STT3B: variants seen among roughly 807,000 people sequenced by gnomAD.
The protein encoded by STT3B is STT3 oligosaccharyltransferase complex catalytic subunit B.
STT3B carries 29 observed loss-of-function variants against 96.8 expected under a neutral mutation model. The observed-to-expected ratio is 0.30, with a 90% CI of 0.22 to 0.41. STT3B has a LOEUF of 0.41. Ranked by LOEUF, STT3B falls within the 10% of genes least tolerant of loss-of-function variation. The pLI is 1.00. For missense variants in STT3B, 640 were observed against 1,022.3 expected, an observed-to-expected ratio of 0.63 and a Z score of 5.10; for synonymous variants, 367 against 360.0, an observed-to-expected ratio of 1.02 and a Z score of -0.22.
At chr3:31,629,645 A>C (rs72856088) in intron 14 of STT3B, among the ~76,000 whole-genome samples, 1 of 152,206 alleles carries the variant, frequency 6.6e-6, no homozygotes, top group African/African-American at 2.4e-5. Flanking sequence ...AGTAGCCTCA[A>C]ATCCAATCTT....
At chr3:31,586,561 A>G (rs1698542274) in intron 3 of STT3B, among the ~76,000 whole-genome samples, 1 of 152,036 alleles carries the variant, frequency 6.6e-6, no homozygotes, top group Non-Finnish European at 1.5e-5. Flanking sequence ...TTTTAAGTTG[A>G]TTATGGTCTG....
chr3:31,571,892 AT>A (rs1698147454), intron 1 of STT3B, among the ~76,000 whole-genome samples: 1 of 148,150 alleles, frequency 6.7e-6, no homozygotes, highest in African/African-American at 2.5e-5. Context: ...TATGTTATAA[AT>A]TTAGGTTAGG....
chr3:31,582,341 AG>A (rs1698426205), intron 3 of STT3B, among the ~76,000 whole-genome samples: 2 of 141,238 alleles, frequency 1.4e-5, no homozygotes, highest in Admixed American at 1.5e-4. Flanking sequence ...TCTGTTGCCC[AG>A]GCTGGAGTGC....
At chr3:31,610,675 A>G (rs1292875806) in intron 5 of STT3B, among the ~76,000 whole-genome samples, 1 of 152,220 alleles carries the variant, frequency 6.6e-6, no homozygotes, top group Admixed American at 6.5e-5. Context: ...CCACCCTTGG[A>G]TATAAAATAT....
At chr3:31,628,882 A>G (rs1473245664) in intron 13 of STT3B, among the ~76,000 whole-genome samples, 3 of 152,152 alleles carry the variant, frequency 2.0e-5, no homozygotes, top group Admixed American at 6.5e-5. Context: ...TGGGAGGCCA[A>G]TCACTTCAGC....
chr3:31,609,019 G>A (rs1360535841), intron 5 of STT3B, among the ~76,000 whole-genome samples: 2 of 152,152 alleles, frequency 1.3e-5, no homozygotes, highest in African/African-American at 4.8e-5. Context: ...GGAGGCCGAG[G>A]CAGGAGAGTT....
intron 3 of STT3B, among the ~76,000 whole-genome samples, chr3:31,581,030 C>T (rs372664713): frequency 3.3e-5 from 5 of 151,332 alleles, no homozygotes; most frequent in East Asian, 3.9e-4. Flanking sequence ...ATAATACATG[C>T]GTATGTGGCT....
At chr3:31,629,979 A>AT (rs1263803381) in intron 14 of STT3B, among the ~76,000 whole-genome samples, 1 of 152,228 alleles carries the variant, frequency 6.6e-6, no homozygotes, top group Non-Finnish European at 1.5e-5. Flanking sequence ...ACTTGATGTC[A>AT]TAACACCTGT....
chr3:31,612,074 G>A (rs954742532), intron 5 of STT3B, among the ~76,000 whole-genome samples: 1 of 152,066 alleles, frequency 6.6e-6, no homozygotes, highest in African/African-American at 2.4e-5. Flanking sequence ...AACTTTCTGA[G>A]CACCAATATG....
chr3:31,562,614 C>A (rs544812618), intron 1 of STT3B, among the ~76,000 whole-genome samples: 1 of 152,216 alleles, frequency 6.6e-6, no homozygotes, highest in Admixed American at 6.5e-5. Context: ...GGTGGGGTTG[C>A]TTTCCTTCAG....
intron 5 of STT3B, among the ~76,000 whole-genome samples, chr3:31,613,739 A>C (rs1443194096): frequency 6.6e-6 from 1 of 151,906 alleles, no homozygotes; most frequent in African/African-American, 2.4e-5. Flanking sequence ...GATTTGTTTA[A>C]AAAAATAATT....
Position 31,623,841 on chromosome 3 carries a change from G to C in STT3B, c.1707G>C (p.Leu569=), listed in dbSNP as rs1699478075. ...CCTACTCTAGTCCAAGTGTAGTCCT[G>C]GCCTCATACAATCATGATGGGTAAG... ...SNAYSSPSVV[L]ASYNHDGTRN... Residue 569 remains leucine, a synonymous_variant, in exon 11 of 16, where the codon CTG becomes CTC. Coordinates refer to ENST00000295770, the MANE Select transcript of STT3B (RefSeq NM_178862.3). 6.2e-7 allele frequency: 1 copy of C among 1,607,356 alleles called. No homozygotes were observed. Among genetic ancestry groups the C allele is most frequent in the South Asian group, 1.1e-5 (1 of 89,956 alleles).
At position 31,625,971 on chromosome 3, in the gene STT3B, T is replaced by G; in HGVS notation, c.1917T>G (p.Ser639=). 1.9e-6 allele frequency: 3 copies of G among 1,608,650 alleles called. No individual in the cohort carries two copies. The highest frequency in any genetic ancestry group is 2.5e-6 in the Non-Finnish European group (3 of 1,178,180). ...SHIALVGKAM[S]SNETAAYKIM... ...TTCTGCAGGTGGGAAAAGCTATGTC[T>G]TCTAATGAAACAGCAGCCTATAAAA... The change falls in exon 13 of 16, where the codon TCT becomes TCG. Residue 639 remains serine, a synonymous_variant. Transcript: ENST00000295770.
intron 3 of STT3B, among the ~76,000 whole-genome samples, chr3:31,584,377 G>T (rs944630150): frequency 1.1e-4 from 16 of 152,008 alleles, no homozygotes; most frequent in Non-Finnish European, 2.9e-5. Context: ...CAACTTTGTT[G>T]TTCTTTTTCA....
intron 10 of STT3B, among the ~76,000 whole-genome samples, chr3:31,623,153 T>C (rs1245523703): frequency 1.3e-5 from 2 of 151,992 alleles, no homozygotes; most frequent in East Asian, 3.8e-4. Context: ...CTCTTCCCTT[T>C]TCTGTTGGGG....
Position 31,534,492 on chromosome 3 carries a change from C to A in STT3B, c.314+1180C>A, listed in dbSNP as rs554593942. Among the ~76,000 whole-genome samples the A allele has an allele frequency of 3.9e-5, 6 of 152,280 alleles. No homozygotes were observed. The East Asian group carries it at 9.6e-4, about 24-fold the overall frequency. On this transcript the variant is annotated intron_variant, in intron 1 of 15. Coordinates refer to ENST00000295770, the MANE Select transcript of STT3B (RefSeq NM_178862.3). The stretch of plus-strand genomic sequence containing the variant: ...TGTCAACCTTGAGTTAATCTTACTT[C>A]CTCACAGTTAGACCTAATTAAATTT...
Position 31,633,103 on chromosome 3 carries a change from C to T in STT3B, c.2356C>T (p.Arg786Ter). The T allele has an allele frequency of 6.2e-7, 1 of 1,613,942 alleles. No homozygotes were observed. Among genetic ancestry groups the T allele is most frequent in the Non-Finnish European group, 8.5e-7 (1 of 1,179,928 alleles). Reference sequence around the variant, plus strand: ...CAGGGAGACATTAGATCACAAACCTCGAGTCACCAACATTTTCCCAAAACA... The same window carrying T: ...CAGGGAGACATTAGATCACAAACCTTGAGTCACCAACATTTTCCCAAAACA... ...DNRETLDHKP[R>*]VTNIFPKQKY... Residue 786 changes from arginine to a stop codon, truncating the protein, a stop_gained, in exon 15 of 16, where the codon CGA (arginine) becomes TGA (stop). Transcript: ENST00000295770. LOFTEE classifies it high-confidence loss of function.
intron 15 of STT3B, among the ~76,000 whole-genome samples, chr3:31,634,330 G>A (rs1422345942): frequency 3.3e-5 from 5 of 152,188 alleles, no homozygotes; most frequent in Non-Finnish European, 7.4e-5. Context: ...TCTGCAAAAA[G>A]AGGGCTGTTG....
chr3:31,608,640 G>A (rs1479847359), intron 5 of STT3B, among the ~76,000 whole-genome samples: 3 of 152,156 alleles, frequency 2.0e-5, no homozygotes, highest in Non-Finnish European at 2.9e-5. Flanking sequence ...TGTTCTACAG[G>A]CCAACCATTA....
Sources: gnomAD v4.1 joint callset for allele counts (sites outside exome capture counted in the v4.1 genomes callset) on GRCh38, gnomAD v4.1.1 for gene constraint, MANE v1.5 for transcripts, NCBI Gene and HGNC (gene_info 2026-07-23, HGNC 2026-07-21) for gene names.